The following CTBP2 variants were observed in gnomAD, a reference collection of about 807,000 sequenced individuals.
CTBP2 encodes the protein C-terminal-binding protein 2.
A neutral mutation model predicts 80.3 loss-of-function variants in CTBP2; 30 were observed. The observed-to-expected ratio is 0.37, with a 90% CI of 0.28 to 0.51. The LOEUF (loss-of-function observed/expected upper bound fraction) is 0.51, where lower values mean the gene tolerates loss of function less well. CTBP2 is among the 20% of genes least tolerant of loss of function. CTBP2 has a pLI of 0.93. For synonymous variants in CTBP2, 594 were observed against 587.4 expected, an observed-to-expected ratio of 1.01 and a Z score of -0.16; for missense variants, 1,212 against 1,375.3, an observed-to-expected ratio of 0.88 and a Z score of 1.88.
At chr10:125,003,254 G>A (rs1413191645) in intron 2 of CTBP2, 84 bp downstream of exon 4, 2 of 1,586,992 alleles carry the variant, frequency 1.3e-6, no homozygotes, top group Admixed American at 3.7e-5. Flanking sequence ...GCCTGCCGGT[G>A]ACTTGGGGCG....
At chr10:125,090,285 CAAAAA>C (rs56714830) in intron 2 of CTBP2, among the ~76,000 whole-genome samples, 2 of 65,390 alleles carry the variant, frequency 3.1e-5, no homozygotes, top group Admixed American at 1.8e-4. Context: ...GTCCCTGGCT[CAAAAA>C]AAAAAAAAAA....
intron 1 of CTBP2, among the ~76,000 whole-genome samples, chr10:125,114,397 C>T (rs1021194596): frequency 2.6e-5 from 4 of 151,588 alleles, no homozygotes; most frequent in Admixed American, 6.6e-5. Flanking sequence ...AGAAGAGAAC[C>T]GCAGCACCCA....
chr10:125,049,035 G>A (rs925357352), intron 2 of CTBP2, among the ~76,000 whole-genome samples: 33 of 114,380 alleles, frequency 2.9e-4, no homozygotes, highest in African/African-American at 7.5e-4. Flanking sequence ...CAATTTGCCC[G>A]CCTGACCACA....
Position 125,072,034 on chromosome 10 carries a change from C to G in CTBP2, c.-101-32879G>C, listed in dbSNP as rs144158216. Among the ~76,000 whole-genome samples the G allele has an allele frequency of 2.5e-3, 378 of 152,306 alleles. 17 individuals are homozygous for G. In the South Asian group the frequency reaches 0.065, roughly 26 times the overall value. ...CCACACCATGGACAAACCCTGAGAC[C>G]TGGACATGGGCTTTTCTGGCCAGAA... is the stretch of plus-strand genomic sequence containing the variant. On this transcript the variant is annotated intron_variant, in intron 2 of 10. Coordinates refer to the CTBP2 transcript ENST00000337195.
intron 2 of CTBP2, among the ~76,000 whole-genome samples, chr10:125,056,791 C>T (rs760103816): frequency 6.6e-5 from 10 of 152,240 alleles, no homozygotes; most frequent in Admixed American, 2.0e-4. Context: ...AACCCCATCA[C>T]GGGCAGCAAT....
intron 1 of CTBP2, among the ~76,000 whole-genome samples, chr10:125,135,981 T>A (rs972891968): frequency 6.6e-6 from 1 of 152,198 alleles, no homozygotes; most frequent in Non-Finnish European, 1.5e-5. Context: ...ACAGGACAAG[T>A]GGCCTCAGCT....
intron 2 of CTBP2, among the ~76,000 whole-genome samples, chr10:125,082,362 C>T (rs980720529): frequency 2.6e-5 from 4 of 152,242 alleles, no homozygotes; most frequent in Non-Finnish European, 4.4e-5. Context: ...TGCTGCCCTT[C>T]TGGCCTCTCT....
chr10:125,031,750 G>A (rs7920614), upstream of CTBP2, among the ~76,000 whole-genome samples: 10,075 of 152,238 alleles, frequency 0.066, 452 homozygotes, highest in South Asian at 0.17. Context: ...TGAGTGCACC[G>A]TGCACCCTTG....
intron 1 of CTBP2, among the ~76,000 whole-genome samples, chr10:125,124,081 G>A (rs1402550146): frequency 1.3e-5 from 2 of 152,220 alleles, no homozygotes; most frequent in African/African-American, 2.4e-5. Flanking sequence ...CGCTGGGCTG[G>A]CCGGCTTCCA....
intron 2 of CTBP2, among the ~76,000 whole-genome samples, chr10:125,071,389 G>A (rs759076539): frequency 2.6e-5 from 4 of 152,200 alleles, no homozygotes; most frequent in Non-Finnish European, 4.4e-5. Flanking sequence ...TGCTCCTGAT[G>A]GAGGAAGCAG....
At chr10:125,109,615 A>G (rs2135913612) in intron 2 of CTBP2, among the ~76,000 whole-genome samples, 1 of 152,340 alleles carries the variant, frequency 6.6e-6, no homozygotes. Context: ...CTCAATGCTA[A>G]GAGCCTTAAG....
intron 2 of CTBP2, among the ~76,000 whole-genome samples, chr10:125,054,030 A>G (rs1022808986): frequency 4.6e-5 from 7 of 152,058 alleles, no homozygotes; most frequent in African/African-American, 9.7e-5. Flanking sequence ...CGTGCCCACA[A>G]AACAGTAGAG....
At chr10:125,148,146 C>T (rs1227805250) in intron 1 of CTBP2, among the ~76,000 whole-genome samples, 2 of 152,190 alleles carry the variant, frequency 1.3e-5, no homozygotes, top group African/African-American at 4.8e-5. Context: ...GACCATCTCT[C>T]CTTGGGCCGA....
At chr10:125,089,192 C>T (rs1309474951) in intron 2 of CTBP2, among the ~76,000 whole-genome samples, 2 of 152,164 alleles carry the variant, frequency 1.3e-5, no homozygotes, top group African/African-American at 4.8e-5. Context: ...AAGACGTGCT[C>T]TCGACAATAA....
intron 2 of CTBP2, among the ~76,000 whole-genome samples, chr10:125,056,938 G>A (rs531850413): frequency 7.2e-5 from 11 of 152,332 alleles, no homozygotes; most frequent in African/African-American, 2.6e-4. Context: ...GACCTGTTGA[G>A]CCCCTCATTG....
At chr10:125,082,546 C>A (rs975022324) in intron 2 of CTBP2, among the ~76,000 whole-genome samples, 1 of 151,548 alleles carries the variant, frequency 6.6e-6, no homozygotes, top group African/African-American at 2.4e-5. Flanking sequence ...CTGCACAAGT[C>A]ACGTTTGCAC....
At chr10:124,993,833 A>T in intron 6 of CTBP2, 22 bp downstream of exon 8, 4 of 1,602,684 alleles carry the variant, frequency 2.5e-6, no homozygotes, top group Non-Finnish European at 3.4e-6. Context: ...GGCTCCTGGT[A>T]GGCGGCTGGG....
chr10:125,026,156 T>C lies in CTBP2; in HGVS notation c.1604A>G (p.His535Arg), dbSNP rs759673524. Reference sequence around the variant, plus strand: ...CCGGGCCACCTTCTGGTACGGTGAGTGAGGCGTGTGGAGGCTCTGGCTGGC... The same window carrying C: ...CCGGGCCACCTTCTGGTACGGTGAGCGAGGCGTGTGGAGGCTCTGGCTGGC... The change falls in exon 1 of 9, where the codon CAC (histidine) becomes CGC (arginine). Residue 535 changes from histidine to arginine, a missense_variant. By Grantham distance (29) the His-to-Arg change is conservative. Around this residue, in one of 3 missense-constraint regions of CTBP2, gnomAD observed 848 missense variants for 782.3 expected, o/e 1.08. Transcript: ENST00000309035. 1.9e-6 allele frequency: 3 copies of C among 1,608,618 alleles called. No homozygotes were observed. The highest frequency in any genetic ancestry group is 2.6e-6 in the Non-Finnish European group (3 of 1,176,038).
At chr10:125,052,489 G>A (rs1466796307) in intron 2 of CTBP2, among the ~76,000 whole-genome samples, 1 of 152,212 alleles carries the variant, frequency 6.6e-6, no homozygotes, top group Non-Finnish European at 1.5e-5. Context: ...TGTGCTCCAT[G>A]TCTGGGATTT....
Sources: allele counts gnomAD v4.1 joint callset (sites outside exome capture counted in the v4.1 genomes callset), GRCh38; gene constraint gnomAD v4.1.1; regional missense constraint gnomAD v4.1.1; transcripts MANE v1.5; gene names NCBI Gene and HGNC (gene_info 2026-07-23, HGNC 2026-07-21).